PRKCE: variants seen among roughly 807,000 people sequenced by gnomAD.
The protein encoded by PRKCE is protein kinase C epsilon.
PRKCE carries 16 observed loss-of-function variants against 85.4 expected under a neutral mutation model. The observed-to-expected ratio is 0.19, with a 90% CI of 0.13 to 0.28. PRKCE has a LOEUF of 0.28. Ranked by LOEUF, PRKCE falls within the 10% of genes least tolerant of loss-of-function variation. The pLI is 1.00. For missense variants in PRKCE, 573 were observed against 975.2 expected (o/e 0.59, Z 5.49); for synonymous variants, 388 against 371.5 (o/e 1.04, Z -0.51).
intron 2 of PRKCE, among the ~76,000 whole-genome samples, chr2:45,846,938 G>A (rs914104166): frequency 2.0e-5 from 3 of 152,206 alleles, no homozygotes; most frequent in Non-Finnish European, 4.4e-5. Flanking sequence ...GCTCTACCCA[G>A]TGCCCTTGAA....
chr2:45,980,469 C>A, intron 5 of PRKCE, 88 bp downstream of exon 5: 1 of 1,244,790 alleles, frequency 8.0e-7, no homozygotes, highest in Non-Finnish European at 1.2e-6. Context: ...AGAAAACCTT[C>A]TCTGCCTGAG....
chr2:45,937,690 G>A (rs560196960), intron 2 of PRKCE, among the ~76,000 whole-genome samples: 41 of 152,168 alleles, frequency 2.7e-4, no homozygotes, highest in African/African-American at 9.9e-4. Flanking sequence ...ACTCCAGCCT[G>A]GGTGACAAAG....
At chr2:46,151,299 A>G in intron 13 of PRKCE, 70 bp downstream of exon 13, 1 of 1,132,544 alleles carries the variant, frequency 8.8e-7, no homozygotes, top group Non-Finnish European at 1.3e-6. Context: ...ACACACACAC[A>G]CACACACACA....
At chr2:45,796,077 C>T (rs1163659053) in intron 1 of PRKCE, among the ~76,000 whole-genome samples, 1 of 152,252 alleles carries the variant, frequency 6.6e-6, no homozygotes, top group Admixed American at 6.5e-5. Flanking sequence ...TGCCTTTGCT[C>T]ATGCTGTTCC....
intron 14 of PRKCE, among the ~76,000 whole-genome samples, chr2:46,173,857 T>A (rs537558764): frequency 7.9e-5 from 12 of 152,346 alleles, no homozygotes; most frequent in Middle Eastern, 3.4e-3. Flanking sequence ...GGTTTGCTGT[T>A]AGCTAATACC....
rs1269127995 is a variant in PRKCE at position 46,060,689 on chromosome 2, A to G, written c.1438-25519A>G. ...ATGCACCTGTGCGTCCATCCCACTC[A>G]CCCAAAGAAATTGTCTAGTTCTGTC... is the stretch of plus-strand genomic sequence containing the variant. On this transcript the variant is annotated intron_variant, in intron 10 of 14. Transcript: ENST00000306156. Among the ~76,000 whole-genome samples the G allele has an allele frequency of 3.4e-5, 5 of 147,732 alleles. No individual in the cohort carries two copies. In the East Asian group the frequency reaches 9.9e-4, roughly 29 times the overall value.
chr2:45,921,831 A>G (rs1227696334), intron 2 of PRKCE, among the ~76,000 whole-genome samples: 1 of 152,218 alleles, frequency 6.6e-6, no homozygotes, highest in Admixed American at 6.5e-5. Flanking sequence ...GACTCAATAC[A>G]TGTTTACTGC....
chr2:46,088,887 G>C (rs112540675), intron 11 of PRKCE, among the ~76,000 whole-genome samples: 4,638 of 152,258 alleles, frequency 0.03, 93 homozygotes, highest in Middle Eastern at 0.065. Flanking sequence ...GACATAGGAG[G>C]TATAACTGAC....
intron 6 of PRKCE, among the ~76,000 whole-genome samples, chr2:45,988,050 C>T (rs946666627): frequency 5.3e-5 from 8 of 152,184 alleles, no homozygotes; most frequent in African/African-American, 1.9e-4. Context: ...GCAGCCTGGC[C>T]CTGTTCCTGG....
At chr2:45,799,383 T>C (rs959565248) in intron 1 of PRKCE, among the ~76,000 whole-genome samples, 1 of 152,114 alleles carries the variant, frequency 6.6e-6, no homozygotes, top group Non-Finnish European at 1.5e-5. Context: ...TAAATTGTAG[T>C]AAATATAAAA....
chr2:45,916,088 C>G (rs1697749013), intron 2 of PRKCE, among the ~76,000 whole-genome samples: 1 of 152,102 alleles, frequency 6.6e-6, no homozygotes, highest in African/African-American at 2.4e-5. Flanking sequence ...GGAAGGAACT[C>G]TAAGGACATT....
intron 11 of PRKCE, among the ~76,000 whole-genome samples, chr2:46,117,564 G>A (rs768798767): frequency 1.3e-5 from 2 of 152,178 alleles, no homozygotes; most frequent in East Asian, 1.9e-4. Context: ...GCCAAGCTGG[G>A]TGATTACTCA....
chr2:46,004,307 G>T lies in PRKCE; in HGVS notation c.967-235G>T. 1 of 460,190 alleles carries T rather than the reference G, an allele frequency of 2.2e-6. No homozygotes were observed. The highest frequency in any genetic ancestry group is 4.1e-6 in the Non-Finnish European group (1 of 246,536). 28.5% of individuals were successfully genotyped at this position (460,190 alleles called of 1,614,324 possible). A position where few individuals can be genotyped will look rare whatever the true frequency, so the allele number is the denominator to read the frequency against. On this transcript the variant is annotated intron_variant, in intron 7 of 14. Transcript: ENST00000306156. The surrounding 1 kb of genome is among the most constrained non-coding windows in gnomAD (Gnocchi z 4.1). ...GGGAAGACATCATCCTTCTGTGAAT[G>T]TAGGGAAGGTGCACTGAAATTCCTT...
Position 45,915,468 on chromosome 2 carries a change from CA to C in PRKCE, c.413-60958del, listed in dbSNP as rs144720798. On this transcript the variant is annotated intron_variant, in intron 2 of 14. Transcript: ENST00000306156. ...TTTGTATGAGTATTTTAGAATTTCCCAAAGCTCCAGTGAACCCTAAAGAATT... is the reference window on the plus strand; with the variant it reads ...TTTGTATGAGTATTTTAGAATTTCCCAAGCTCCAGTGAACCCTAAAGAATT... Among the ~76,000 whole-genome samples the C allele has an allele frequency of 3.2e-3, 488 of 152,124 alleles. 1 individual carries two copies. The highest frequency in any genetic ancestry group is 5.7e-3 in the Non-Finnish European group (387 of 68,012).
intron 1 of PRKCE, among the ~76,000 whole-genome samples, chr2:45,702,197 G>A (rs1036426860): frequency 3.8e-4 from 58 of 152,008 alleles, no homozygotes; most frequent in Non-Finnish European, 7.4e-4. Flanking sequence ...AAAAAACAAC[G>A]ACAACAACAA....
intron 2 of PRKCE, among the ~76,000 whole-genome samples, chr2:45,955,936 C>A (rs1030420802): frequency 3.9e-5 from 6 of 152,202 alleles, no homozygotes; most frequent in Admixed American, 1.3e-4. Flanking sequence ...CTCCCAAATT[C>A]TCCCGTTATC....
chr2:45,736,553 C>T (rs1682078743), intron 1 of PRKCE, among the ~76,000 whole-genome samples: 1 of 152,210 alleles, frequency 6.6e-6, no homozygotes, highest in Non-Finnish European at 1.5e-5. Context: ...AGTTCCCCTG[C>T]CCTGGAGTCT....
rs567276746 is a variant in PRKCE, at chr2:46,107,156, TCC to T, written c.1592+20795_1592+20796del. ...CCTGTGCTTTACCTATCCAACTCTC[TCC>T]TCCTCCCTAAACCCCTGATAACCAC... is the stretch of plus-strand genomic sequence containing the variant. On this transcript the variant is annotated intron_variant, in intron 11 of 14. Coordinates refer to ENST00000306156, the MANE Select transcript of PRKCE (RefSeq NM_005400.3). Among the ~76,000 whole-genome samples, 5 of 152,312 alleles carry T rather than the reference TCC, an allele frequency of 3.3e-5. No homozygotes were observed. In the South Asian group the frequency reaches 1.0e-3, roughly 32 times the overall value.
At chr2:45,653,984 C>G (rs940040501) in intron 1 of PRKCE, among the ~76,000 whole-genome samples, 1 of 152,192 alleles carries the variant, frequency 6.6e-6, no homozygotes, top group Non-Finnish European at 1.5e-5. Context: ...GAATGCAGTG[C>G]ATATGAGAGG....
Sources: gnomAD v4.1 joint callset for allele counts (sites outside exome capture counted in the v4.1 genomes callset) on GRCh38, gnomAD v4.1.1 for gene constraint, Gnocchi (gnomAD v3.1) non-coding constraint, MANE v1.5 for transcripts, NCBI Gene and HGNC (gene_info 2026-07-23, HGNC 2026-07-21) for gene names.